TOM1L2: variants seen among roughly 807,000 people sequenced by gnomAD.
TOM1L2 encodes target of myb1 like 2 membrane trafficking protein.
TOM1L2 carries 31 observed loss-of-function variants against 67.9 expected under a neutral mutation model. The observed-to-expected ratio is 0.46, with a 90% confidence interval of 0.34 to 0.62. TOM1L2 has a LOEUF of 0.62. Ranked by LOEUF, TOM1L2 falls within the 20% of genes least tolerant of loss-of-function variation. TOM1L2 has a pLI of 0.01. For synonymous variants in TOM1L2, 256 were observed against 254.0 expected (o/e 1.01, Z -0.07); for missense variants, 606 against 663.5 (o/e 0.91, Z 0.95).
At chr17:17,900,691 C>G (rs1196549801) in intron 2 of TOM1L2, among the ~76,000 whole-genome samples, 1 of 152,204 alleles carries the variant, frequency 6.6e-6, no homozygotes, top group Non-Finnish European at 1.5e-5. Flanking sequence ...GAGACAGACA[C>G]AAGGCTCCAT....
intron 10 of TOM1L2, among the ~76,000 whole-genome samples, chr17:17,865,718 T>C (rs999314435): frequency 8.1e-5 from 12 of 147,712 alleles, no homozygotes; most frequent in South Asian, 2.1e-4. Context: ...GAATGTTCCA[T>C]ATAAAACATG....
intron 1 of TOM1L2, among the ~76,000 whole-genome samples, chr17:17,956,647 C>T (rs759741029): frequency 1.2e-4 from 18 of 152,208 alleles, no homozygotes; most frequent in African/African-American, 2.4e-4. Context: ...GCAGGGAGAC[C>T]GCTGAGACCC....
At chr17:17,860,782 T>C (rs2036514241) in intron 12 of TOM1L2, among the ~76,000 whole-genome samples, 1 of 152,260 alleles carries the variant, frequency 6.6e-6, no homozygotes. Flanking sequence ...ACACACATTC[T>C]TTCCCCTTCA....
At chr17:17,915,016 T>C (rs1282028462) in intron 1 of TOM1L2, among the ~76,000 whole-genome samples, 1 of 152,188 alleles carries the variant, frequency 6.6e-6, no homozygotes, top group Non-Finnish European at 1.5e-5. Flanking sequence ...TAGCTTTTGT[T>C]TGGATGTGTG....
At chr17:17,914,674 G>C (rs1732230366) in intron 1 of TOM1L2, among the ~76,000 whole-genome samples, 1 of 152,148 alleles carries the variant, frequency 6.6e-6, no homozygotes, top group African/African-American at 2.4e-5. Context: ...GGTTAAGATT[G>C]CTCCAAATCT....
intron 1 of TOM1L2, among the ~76,000 whole-genome samples, chr17:17,922,392 G>A (rs946900607): frequency 1.3e-5 from 2 of 152,192 alleles, no homozygotes; most frequent in Admixed American, 1.3e-4. Context: ...GAGGCAACAT[G>A]GGGCTTTTCA....
rs752273917 is a variant in TOM1L2, at chr17:17,847,755, G to A, written c.1404C>T (p.Ala468=). The A allele has an allele frequency of 6.2e-7, 1 of 1,614,054 alleles. No individual in the cohort carries two copies. The highest frequency in any genetic ancestry group is 1.7e-5 in the Admixed American group (1 of 60,018). ...EEFDKFLEER[A]KAAEMVPDLP... is the part of the protein sequence containing the mutation. ...GGTCGGGAACCATTTCAGCAGCTTT[G>A]GCTCTTTCTTCAAGGAATTTATCAA... is the stretch of plus-strand genomic sequence containing the variant. Residue 468 remains alanine, a synonymous_variant, in exon 15 of 15, where the codon GCC becomes GCT. Transcript: ENST00000379504.
chr17:17,957,155 A>G (rs975958927), intron 1 of TOM1L2, among the ~76,000 whole-genome samples: 1 of 152,128 alleles, frequency 6.6e-6, no homozygotes, highest in African/African-American at 2.4e-5. Flanking sequence ...TAATTTTTAA[A>G]TTTTTTGTAG....
intron 6 of TOM1L2, among the ~76,000 whole-genome samples, chr17:17,882,103 G>A (rs1304430835): frequency 3.9e-5 from 6 of 152,158 alleles, no homozygotes; most frequent in African/African-American, 1.4e-4. Flanking sequence ...AAGTAACCCG[G>A]GAGGGTGGGG....
intron 1 of TOM1L2, among the ~76,000 whole-genome samples, chr17:17,954,795 C>T (rs924803050): frequency 6.6e-6 from 1 of 152,138 alleles, no homozygotes; most frequent in African/African-American, 2.4e-5. Flanking sequence ...TGACCAAGGG[C>T]TGGACTAAGT....
At chr17:17,872,113 CCAGTCA>C in intron 7 of TOM1L2, 1 of 910,564 alleles carries the variant, frequency 1.1e-6, no homozygotes, top group South Asian at 5.0e-5. Context: ...AGGTCAAAAC[CCAGTCA>C]CAATTACTGT....
chr17:17,949,656 G>C (rs2041102611), intron 1 of TOM1L2, among the ~76,000 whole-genome samples: 1 of 152,186 alleles, frequency 6.6e-6, no homozygotes, highest in African/African-American at 2.4e-5. Flanking sequence ...AGAAGCAGAT[G>C]AGACAGCCAT....
At chr17:17,946,090 C>T (rs1301958782) in intron 1 of TOM1L2, among the ~76,000 whole-genome samples, 1 of 152,020 alleles carries the variant, frequency 6.6e-6, no homozygotes, top group Non-Finnish European at 1.5e-5. Context: ...GGAGACCAGG[C>T]TGGTCTCCAA....
Position 17,847,105 on chromosome 17 carries a change from A to G in TOM1L2, c.*530T>C, listed in dbSNP as rs1052299. On this transcript the variant is annotated 3_prime_UTR_variant, in exon 15 of 15. Transcript: ENST00000379504. ...CCCAGCAGAGCCTTCTCAAATGCTG[A>G]TAAGCCAAATGTCACAAGGTGACAA... 82,039 of 155,454 alleles carry G rather than the reference A, an allele frequency of 0.53. 22,903 individuals are homozygous for G. The highest frequency in any genetic ancestry group is 0.63 in the Non-Finnish European group (44,037 of 69,900). The allele number at this position is 155,454 out of a possible 1,614,324, so 9.6% of individuals were successfully genotyped here. A position where few individuals can be genotyped will look rare whatever the true frequency, so the allele number is the denominator to read the frequency against.
At chr17:17,857,311 A>G (rs73299861) in intron 12 of TOM1L2, among the ~76,000 whole-genome samples, 2,599 of 152,276 alleles carry the variant, frequency 0.017, 91 homozygotes, top group African/African-American at 0.059. Flanking sequence ...ATAAGCAACT[A>G]TATTATAAAA....
At chr17:17,913,373 G>T (rs747971457) in intron 1 of TOM1L2, among the ~76,000 whole-genome samples, 1 of 151,474 alleles carries the variant, frequency 6.6e-6, no homozygotes, top group Admixed American at 6.6e-5. Flanking sequence ...GCCTAGGCTG[G>T]GCTGTGAGCT....
intron 14 of TOM1L2, among the ~76,000 whole-genome samples, chr17:17,848,195 G>A (rs1189524607): frequency 2.0e-5 from 3 of 152,210 alleles, no homozygotes; most frequent in Non-Finnish European, 4.4e-5. Flanking sequence ...AATGCAGTGG[G>A]GAGGGGGGAG....
At chr17:17,912,684 C>G (rs1288645427) in intron 1 of TOM1L2, among the ~76,000 whole-genome samples, 11 of 150,302 alleles carry the variant, frequency 7.3e-5, no homozygotes, top group Non-Finnish European at 1.3e-4. Flanking sequence ...CGGACGGAGA[C>G]GCTCCTCACT....
At chr17:17,964,153 A>G (rs1210890135) in intron 1 of TOM1L2, among the ~76,000 whole-genome samples, 1 of 152,216 alleles carries the variant, frequency 6.6e-6, no homozygotes, top group Admixed American at 6.5e-5. Context: ...GAGCAATAAC[A>G]TATGTAACCA....
Sources: gnomAD v4.1 joint callset for allele counts (sites outside exome capture counted in the v4.1 genomes callset) on GRCh38, gnomAD v4.1.1 for gene constraint, MANE v1.5 for transcripts, NCBI Gene and HGNC (gene_info 2026-07-23, HGNC 2026-07-21) for gene names.